LUZP2: variants seen among roughly 807,000 people sequenced by gnomAD.
The protein encoded by LUZP2 is leucine zipper protein 2.
LUZP2 carries 52 observed loss-of-function variants against 51.6 expected under a neutral mutation model. That is an observed-to-expected ratio of 1.01 (90% CI 0.81 to 1.27). The LOEUF (loss-of-function observed/expected upper bound fraction) is 1.27, where lower values mean the gene tolerates loss of function less well. Among genes scored for constraint, LUZP2 ranks in the 50% most tolerant of loss-of-function variants. The pLI is 0.00. For synonymous variants in LUZP2, 154 were observed against 137.3 expected, an observed-to-expected ratio of 1.12 and a Z score of -0.85; for missense variants, 436 against 395.4, an observed-to-expected ratio of 1.10 and a Z score of -0.87.
intron 9 of LUZP2, among the ~76,000 whole-genome samples, chr11:25,014,579 C>A (rs924856166): frequency 1.3e-5 from 2 of 152,068 alleles, no homozygotes; most frequent in Non-Finnish European, 2.9e-5. Context: ...TATCCTTCGC[C>A]CACTTGTTGA....
intron 1 of LUZP2, among the ~76,000 whole-genome samples, chr11:24,547,434 C>A (rs1851591381): frequency 6.6e-6 from 1 of 151,878 alleles, no homozygotes; most frequent in African/African-American, 2.4e-5. Flanking sequence ...ACCAACTGAT[C>A]TTTGACAAAG....
intron 1 of LUZP2, among the ~76,000 whole-genome samples, chr11:24,723,260 G>T (rs1206686652): frequency 6.6e-6 from 1 of 152,090 alleles, no homozygotes; most frequent in Non-Finnish European, 1.5e-5. Context: ...GAAGCAACTG[G>T]AATTCTCTAC....
At chr11:24,694,803 C>T (rs1316701023) in intron 1 of LUZP2, among the ~76,000 whole-genome samples, 1 of 151,950 alleles carries the variant, frequency 6.6e-6, no homozygotes, top group African/African-American at 2.4e-5. Context: ...CCATTATCCT[C>T]AGCAAACTAA....
intron 2 of LUZP2, among the ~76,000 whole-genome samples, chr11:24,731,206 A>G (rs1367576009): frequency 2.0e-5 from 3 of 151,792 alleles, no homozygotes; most frequent in South Asian, 2.1e-4. Context: ...TAAAAAATGT[A>G]TGAAGGCAGG....
intron 4 of LUZP2, among the ~76,000 whole-genome samples, chr11:24,746,361 A>C (rs1859380569): frequency 6.6e-6 from 1 of 152,144 alleles, no homozygotes; most frequent in African/African-American, 2.4e-5. Flanking sequence ...GTTTTGTTTG[A>C]GAAAGCTGAA....
intron 5 of LUZP2, among the ~76,000 whole-genome samples, chr11:24,776,430 A>G (rs1451028341): frequency 6.6e-6 from 1 of 152,122 alleles, no homozygotes; most frequent in African/African-American, 2.4e-5. Context: ...AATTTACCCT[A>G]CTCAAAACAC....
chr11:24,899,259 A>T (rs1036764744), intron 5 of LUZP2, among the ~76,000 whole-genome samples: 1 of 152,080 alleles, frequency 6.6e-6, no homozygotes, highest in Non-Finnish European at 1.5e-5. Flanking sequence ...TATATATCTT[A>T]TAGCGTGTGA....
At chr11:24,744,439 G>A (rs1205238769) in intron 4 of LUZP2, among the ~76,000 whole-genome samples, 1 of 152,062 alleles carries the variant, frequency 6.6e-6, no homozygotes, top group Non-Finnish European at 1.5e-5. Flanking sequence ...TAAGCTAGGA[G>A]GGTGGTATTT....
chr11:24,855,118 A>G (rs1851519300), intron 5 of LUZP2, among the ~76,000 whole-genome samples: 1 of 152,198 alleles, frequency 6.6e-6, no homozygotes, highest in Non-Finnish European at 1.5e-5. Context: ...ATACTACTGA[A>G]AGTCCTAGCC....
At chr11:25,015,893 ATT>A (rs1178950711) in intron 9 of LUZP2, among the ~76,000 whole-genome samples, 11 of 139,332 alleles carry the variant, frequency 7.9e-5, no homozygotes, top group Non-Finnish European at 4.5e-5. Flanking sequence ...TGAAGTGTGA[ATT>A]TCTTTTTTTT....
chr11:24,937,083 TAAG>T (rs2133843118), intron 7 of LUZP2, among the ~76,000 whole-genome samples: 1 of 151,876 alleles, frequency 6.6e-6, no homozygotes, highest in East Asian at 1.9e-4. Flanking sequence ...TGAGTAAAAG[TAAG>T]AAGCACTTAT....
At chr11:24,590,490 T>C (rs1360283060) in intron 1 of LUZP2, among the ~76,000 whole-genome samples, 1 of 152,166 alleles carries the variant, frequency 6.6e-6, no homozygotes, top group African/African-American at 2.4e-5. Context: ...TGCTCATTTT[T>C]ATTAGTGGTT....
chr11:25,045,106 T>A (rs1858259805), intron 9 of LUZP2, among the ~76,000 whole-genome samples: 1 of 149,446 alleles, frequency 6.7e-6, no homozygotes, highest in Non-Finnish European at 1.5e-5. Context: ...TACCTAATGC[T>A]AAATGACGAG....
intron 1 of LUZP2, among the ~76,000 whole-genome samples, chr11:24,652,104 ATATGTGTTTG>A (rs1457895911): frequency 1.8e-4 from 7 of 39,430 alleles, no homozygotes; most frequent in Non-Finnish European, 4.2e-4. Flanking sequence ...GCATGTGTGT[ATATGTGTTTG>A]TGTGTGTGTG....
chr11:24,823,171 C>T (rs999927130), intron 5 of LUZP2, among the ~76,000 whole-genome samples: 3 of 152,032 alleles, frequency 2.0e-5, no homozygotes, highest in Admixed American at 1.3e-4. Context: ...GTCAGTGGGA[C>T]CAGCTGTTGT....
chr11:24,513,548 T>G (rs931014600), intron 1 of LUZP2, among the ~76,000 whole-genome samples: 3 of 152,196 alleles, frequency 2.0e-5, no homozygotes, highest in African/African-American at 7.2e-5. Context: ...CCTTAAATAA[T>G]TAGAAGGGTA....
chr11:24,862,598 A>T (rs1360867927), intron 5 of LUZP2, among the ~76,000 whole-genome samples: 1 of 152,230 alleles, frequency 6.6e-6, no homozygotes, highest in Non-Finnish European at 1.5e-5. Flanking sequence ...GGCAAACTGG[A>T]TAAAGAGTCA....
intron 5 of LUZP2, among the ~76,000 whole-genome samples, chr11:24,817,626 T>C (rs1850225375): frequency 6.6e-6 from 1 of 152,040 alleles, no homozygotes; most frequent in Non-Finnish European, 1.5e-5. Flanking sequence ...TTTTCCAAAT[T>C]CTCTGATAGT....
At chr11:24,706,239 G>A (rs1285726608) in intron 1 of LUZP2, among the ~76,000 whole-genome samples, 4 of 152,156 alleles carry the variant, frequency 2.6e-5, no homozygotes, top group Admixed American at 2.0e-4. Context: ...TTGGCTAGGT[G>A]TGGGGTGGAT....
Sources: gnomAD v4.1 joint callset for allele counts (sites outside exome capture counted in the v4.1 genomes callset) on GRCh38, gnomAD v4.1.1 for gene constraint, MANE v1.5 for transcripts, NCBI Gene and HGNC (gene_info 2026-07-23, HGNC 2026-07-21) for gene names.